ZNF454: variants seen among roughly 807,000 people sequenced by gnomAD.
ZNF454 encodes zinc finger protein 454.
ZNF454 carries 30 observed loss-of-function variants against 48.2 expected under a neutral mutation model. The ratio of observed to expected loss-of-function variants is 0.62; its 90% CI spans 0.47 to 0.84. The LOEUF (loss-of-function observed/expected upper bound fraction) is 0.84. ZNF454 is among the 40% of genes least tolerant of loss of function. ZNF454 has a pLI of 0.00. For synonymous variants in ZNF454, 204 were observed against 211.4 expected (o/e 0.97, Z 0.30); for missense variants, 510 against 623.1 (o/e 0.82, Z 1.93).
At chr5:178,947,296 C>T (rs1759379158) in intron 4 of ZNF454, among the ~76,000 whole-genome samples, 1 of 152,208 alleles carries the variant, frequency 6.6e-6, no homozygotes, top group Non-Finnish European at 1.5e-5. Context: ...CATGGGTGTC[C>T]TGTTCAGCAT....
At chr5:178,986,200 G>C in the ZNF454 span, 1,092 of 1,614,086 alleles carry the variant, frequency 6.8e-4, 6 homozygotes, top group African/African-American at 0.012. Flanking sequence ...GGGTGTGACC[G>C]AGCGCTTGCC....
In ZNF454 at chr5:178,964,910, A is replaced by T; in HGVS notation, c.506A>T (p.Gln169Leu). 6.2e-7 allele frequency: 1 copy of T among 1,614,252 alleles called. No homozygotes were observed. The highest frequency in any genetic ancestry group is 8.5e-7 in the Non-Finnish European group (1 of 1,180,044). Residue 169 changes from glutamine (Q) to leucine (L), a missense_variant, in exon 5 of 5, where the codon CAG (glutamine) becomes CTG (leucine). Transcript: ENST00000519564. ...MSSSLHSDQS[Q>L]GFQPSKNAFE... is the part of the protein sequence containing the mutation. ...TCATCTCTTCACAGTGATCAAAGTC[A>T]GGGATTTCAACCTAGCAAAAATGCC...
chr5:178,988,052 G>A, the ZNF454 span, among the ~76,000 whole-genome samples: 210 of 152,182 alleles, frequency 1.4e-3, 1 homozygote, highest in Middle Eastern at 3.4e-3. This position sits in a 1 kb window ranked among gnomAD's most constrained non-coding sequence, Gnocchi z 6.0. Context: ...GAGCCATTGC[G>A]CCCAGACTGA....
chr5:178,943,479 C>G (rs1320138631), intron 2 of ZNF454, among the ~76,000 whole-genome samples: 1 of 152,116 alleles, frequency 6.6e-6, no homozygotes, highest in Non-Finnish European at 1.5e-5. Context: ...ACCAGGCCCC[C>G]CCTCCAACAT....
At chr5:178,977,272 G>T in the ZNF454 span, 5 of 289,506 alleles carry the variant, frequency 1.7e-5, no homozygotes, top group Non-Finnish European at 3.7e-5. Flanking sequence ...CCTTTGGGAG[G>T]TTATGAAAGT....
intron 4 of ZNF454, among the ~76,000 whole-genome samples, chr5:178,948,507 A>G (rs1480994871): frequency 6.6e-6 from 1 of 152,212 alleles, no homozygotes; most frequent in Non-Finnish European, 1.5e-5. Flanking sequence ...AGAGAGGAGT[A>G]TGGAGGTGAA....
intron 4 of ZNF454, among the ~76,000 whole-genome samples, chr5:178,953,011 C>CA (rs1759617688): frequency 6.6e-6 from 1 of 152,054 alleles, no homozygotes. Context: ...TCTTTCCCCC[C>CA]ACTTCCCCAT....
In ZNF454 at chr5:178,941,586, G is replaced by C. The variant is rs1759091617; in HGVS notation, c.-108+142G>C. The C allele has an allele frequency of 2.3e-6, 1 of 435,172 alleles. No homozygotes were observed. Among genetic ancestry groups the C allele is most frequent in the Non-Finnish European group, 4.6e-6 (1 of 216,096 alleles). 27.0% of individuals were successfully genotyped at this position (435,172 alleles called of 1,614,324 possible). ...CTTGGAGCGGACTCCGAGAAGCCCA[G>C]GGTTTCCTCTCAGGTGATAGATACA... On this transcript the variant is annotated intron_variant, in intron 1 of 4. Transcript: ENST00000519564. This position sits in a 1 kb window ranked among gnomAD's most constrained non-coding sequence, Gnocchi z 5.5.
At chr5:178,972,211 G>C in the ZNF454 span, among the ~76,000 whole-genome samples, 2 of 152,244 alleles carry the variant, frequency 1.3e-5, no homozygotes, top group African/African-American at 4.8e-5. Flanking sequence ...TGGGATTACA[G>C]GTGTGAGCCA....
chr5:178,969,795 T>C, downstream of ZNF454: 1 of 379,670 alleles, frequency 2.6e-6, no homozygotes, highest in South Asian at 2.0e-5. Flanking sequence ...AGAAGGGAAT[T>C]GGCATCTAGA....
At chr5:178,973,671 G>A in the ZNF454 span, among the ~76,000 whole-genome samples, 9 of 152,136 alleles carry the variant, frequency 5.9e-5, no homozygotes, top group Middle Eastern at 6.8e-3. Context: ...GTGAAACCCC[G>A]TCTCTACTAA....
intron 4 of ZNF454, among the ~76,000 whole-genome samples, chr5:178,959,499 T>C (rs888395047): frequency 4.6e-5 from 7 of 152,256 alleles, no homozygotes; most frequent in Non-Finnish European, 8.8e-5. Context: ...GCTATTCAAT[T>C]TTCACAAAAT....
intron 2 of ZNF454, among the ~76,000 whole-genome samples, chr5:178,945,689 G>A (rs1487134493): frequency 2.0e-5 from 3 of 149,490 alleles, no homozygotes; most frequent in Non-Finnish European, 4.5e-5. Context: ...GTGTGTCTCT[G>A]TGTGTGGGGG....
chr5:178,968,027 C>T (rs1163044446), downstream of ZNF454, among the ~76,000 whole-genome samples: 1 of 151,950 alleles, frequency 6.6e-6, no homozygotes, highest in Non-Finnish European at 1.5e-5. Flanking sequence ...GCATGAGCCA[C>T]CGCACCCGGC....
chr5:178,975,781 G>A, the ZNF454 span: 4 of 362,304 alleles, frequency 1.1e-5, no homozygotes, highest in South Asian at 3.9e-5. Flanking sequence ...AGATGTTGCT[G>A]TGAAGGTGTG....
At chr5:178,942,962 C>T in intron 2 of ZNF454, 138 bp downstream of exon 2, 2 of 850,792 alleles carry the variant, frequency 2.4e-6, no homozygotes, top group South Asian at 1.9e-5. Flanking sequence ...CCAACCAACA[C>T]CCTCCAACCC....
Position 178,958,742 on chromosome 5 carries a change from G to A in ZNF454, c.251-5913G>A, listed in dbSNP as rs144294083. Among the ~76,000 whole-genome samples, 1,402 of 152,252 alleles carry A rather than the reference G, an allele frequency of 9.2e-3. 20 individuals carry two copies. Among genetic ancestry groups the A allele is most frequent in the African/African-American group, 0.032 (1,346 of 41,532 alleles). Reference sequence around the variant, plus strand: ...CAACTCTTATACACGTAGTATTATCGTTACAAAAGGTTTTCTACCATTCTA... The same window carrying A: ...CAACTCTTATACACGTAGTATTATCATTACAAAAGGTTTTCTACCATTCTA... On this transcript the variant is annotated intron_variant, in intron 4 of 4. Coordinates refer to ENST00000519564, the MANE Select transcript of ZNF454 (RefSeq NM_001178089.3).
At chr5:178,976,127 C>A in the ZNF454 span, 2 of 455,858 alleles carry the variant, frequency 4.4e-6, no homozygotes, top group Non-Finnish European at 8.8e-6. Flanking sequence ...GGACCCCATC[C>A]CCCAGATATC....
the ZNF454 span, chr5:178,986,816 G>C: frequency 6.2e-7 from 1 of 1,612,952 alleles, no homozygotes. Context: ...ATGCCCACCT[G>C]GGGCTCGGTC....
Sources: allele counts gnomAD v4.1 joint callset (sites outside exome capture counted in the v4.1 genomes callset), GRCh38; gene constraint gnomAD v4.1.1; non-coding constraint Gnocchi (gnomAD v3.1); transcripts MANE v1.5; gene names NCBI Gene and HGNC (gene_info 2026-07-23, HGNC 2026-07-21).